Variants in CACNA2D1 observed in about 807,000 individuals in gnomAD.
CACNA2D1 encodes calcium voltage-gated channel auxiliary subunit alpha2delta 1.
A neutral mutation model predicts 171.5 loss-of-function variants in CACNA2D1; 53 were observed. The ratio of observed to expected loss-of-function variants is 0.31; its 90% CI spans 0.25 to 0.39. The LOEUF is 0.39. CACNA2D1 is among the 10% of genes least tolerant of loss of function. The pLI, the probability that CACNA2D1 is intolerant of heterozygous loss-of-function variation, is 1.00. For missense variants in CACNA2D1, 903 were observed against 1,299.8 expected (o/e 0.69, Z 4.69); for synonymous variants, 442 against 443.1 (o/e 1.00, Z 0.03).
intron 4 of CACNA2D1, among the ~76,000 whole-genome samples, chr7:82,138,866 A>G (rs1339471368): frequency 4.6e-5 from 7 of 152,194 alleles, no homozygotes; most frequent in African/African-American, 1.7e-4. Context: ...GTACCTCTGC[A>G]GTTTATACTT....
At chr7:82,141,658 G>A (rs1165783772) in intron 4 of CACNA2D1, among the ~76,000 whole-genome samples, 4 of 152,196 alleles carry the variant, frequency 2.6e-5, no homozygotes, top group Non-Finnish European at 5.9e-5. Flanking sequence ...CTCGTCTGTG[G>A]CAAGGATCTG....
intron 3 of CACNA2D1, among the ~76,000 whole-genome samples, chr7:82,234,295 T>C (rs959952248): frequency 6.6e-6 from 1 of 152,128 alleles, no homozygotes; most frequent in Admixed American, 6.5e-5. Flanking sequence ...CACATCTTCC[T>C]ATATTAATAG....
intron 4 of CACNA2D1, among the ~76,000 whole-genome samples, chr7:82,146,546 G>A (rs1046488271): frequency 6.9e-6 from 1 of 144,782 alleles, no homozygotes; most frequent in Non-Finnish European, 1.5e-5. Flanking sequence ...ATCTTTTACA[G>A]GTAAGAAGAT....
Position 81,968,957 on chromosome 7 carries a change from G to T in CACNA2D1, c.2325C>A (p.Ala775=). 1 of 1,585,194 alleles carries T rather than the reference G, an allele frequency of 6.3e-7. No homozygotes were observed. The highest frequency in any genetic ancestry group is 8.6e-7 in the Non-Finnish European group (1 of 1,156,674). The change falls in exon 29 of 39, where the codon GCC becomes GCA. Residue 775 remains alanine (A), a synonymous_variant. Transcript: ENST00000356860. Reference sequence around the variant, plus strand: ...TGCTTACCATAATGCCCGATTCATAGGCACCAGGTCCACTTTCTAAAAAAA... The same window carrying T: ...TGCTTACCATAATGCCCGATTCATATGCACCAGGTCCACTTTCTAAAAAAA... The part of the protein sequence containing the change: ...APYFNKSGPG[A]YESGIMVSKA...
rs17156155 is a variant in CACNA2D1 at position 82,339,539 on chromosome 7, G to C, written c.178-4288C>G. 8.7e-3 allele frequency among the ~76,000 whole-genome samples: 1,327 copies of C among 152,214 alleles called. 28 individuals are homozygous for C. In the South Asian group the frequency reaches 0.095, roughly 11 times the overall value. ...CTTTGACTTCTAACCAATTGTATCA[G>C]GACTTATATTAGACCTGCAAGAAGT... On this transcript the variant is annotated intron_variant, in intron 2 of 38. Coordinates refer to ENST00000356860, the MANE Select transcript of CACNA2D1 (RefSeq NM_000722.4).
chr7:82,259,022 T>G (rs1005697192), intron 3 of CACNA2D1, among the ~76,000 whole-genome samples: 3 of 152,184 alleles, frequency 2.0e-5, no homozygotes, highest in African/African-American at 7.2e-5. Context: ...AAAGACAAAG[T>G]TTCGCCATGT....
chr7:82,443,689 C>G lies in CACNA2D1; in HGVS notation c.-230G>C. On this transcript the variant is annotated 5_prime_UTR_variant, in exon 1 of 39. Coordinates refer to ENST00000356860, the MANE Select transcript of CACNA2D1 (RefSeq NM_000722.4). ...ACCCACTAGCGTGCGTCGGCTGCTC[C>G]GCGCCGCGGCCGCCTTGCCTCCGCC... 1.6e-6 allele frequency: 2 copies of G among 1,236,936 alleles called. No individual in the cohort carries two copies. The highest frequency in any genetic ancestry group is 2.0e-6 in the Non-Finnish European group (2 of 992,708). 76.6% of individuals were successfully genotyped at this position (1,236,936 alleles called of 1,614,324 possible).
At chr7:82,135,618 A>C (rs1791517265) in intron 5 of CACNA2D1, among the ~76,000 whole-genome samples, 1 of 152,142 alleles carries the variant, frequency 6.6e-6, no homozygotes. Context: ...TGGTGGTGGT[A>C]TAATTTGTTA....
intron 14 of CACNA2D1, 21 bp downstream of exon 14, chr7:82,013,440 A>G (rs1800042563): frequency 9.7e-7 from 1 of 1,028,176 alleles, no homozygotes. Context: ...AATAATTTAA[A>G]CAAGTTTTAA....
intron 10 of CACNA2D1, among the ~76,000 whole-genome samples, chr7:82,059,063 C>G (rs1040472514): frequency 6.6e-6 from 1 of 152,084 alleles, no homozygotes; most frequent in Non-Finnish European, 1.5e-5. Context: ...CTTCTTCTTT[C>G]TAGTCTCCCT....
At chr7:82,379,504 T>G (rs6467895) in intron 1 of CACNA2D1, among the ~76,000 whole-genome samples, 105,538 of 152,034 alleles carry the variant, frequency 0.69, 36,707 homozygotes, top group Middle Eastern at 0.76. Flanking sequence ...AAATGATTAT[T>G]TTTATCTAAC....
chr7:81,954,070 G>A (rs774900127), intron 38 of CACNA2D1, among the ~76,000 whole-genome samples: 8 of 152,008 alleles, frequency 5.3e-5, no homozygotes, highest in Non-Finnish European at 8.8e-5. Flanking sequence ...GCAAGTCCAT[G>A]TAATGTATTT....
intron 12 of CACNA2D1, among the ~76,000 whole-genome samples, chr7:82,018,354 G>C (rs1800763176): frequency 6.6e-6 from 1 of 152,252 alleles, no homozygotes; most frequent in South Asian, 2.1e-4. Context: ...TCTTACCAGA[G>C]GGTAAGAAGA....
At chr7:82,371,569 T>G (rs184438890) in intron 1 of CACNA2D1, among the ~76,000 whole-genome samples, 176 of 152,112 alleles carry the variant, frequency 1.2e-3, no homozygotes, top group African/African-American at 4.0e-3. Context: ...AGCCCTAATT[T>G]TATTTTATTT....
Position 82,122,840 on chromosome 7 carries a change from A to AT in CACNA2D1, c.397-5668dup, listed in dbSNP as rs568800036. Among the ~76,000 whole-genome samples, 505 of 152,342 alleles carry AT rather than the reference A, an allele frequency of 3.3e-3. 6 individuals are homozygous for AT. The highest frequency in any genetic ancestry group is 0.028 in the South Asian group (137 of 4,830). On this transcript the variant is annotated intron_variant, in intron 5 of 38. Transcript: ENST00000356860. ...ATTCTACTTCTAAAAAATTAAAAGA[A>AT]TTTTTTATATTATGATACACAAATA... is the stretch of plus-strand genomic sequence containing the variant.
chr7:82,215,108 A>G lies in CACNA2D1; in HGVS notation c.295-44499T>C, dbSNP rs549463815. Among the ~76,000 whole-genome samples the G allele has an allele frequency of 6.6e-4, 100 of 152,290 alleles. 1 individual carries two copies. The highest frequency in any genetic ancestry group is 1.7e-3 in the South Asian group (8 of 4,826). On this transcript the variant is annotated intron_variant, in intron 3 of 38. Coordinates refer to ENST00000356860, the MANE Select transcript of CACNA2D1 (RefSeq NM_000722.4). ...GTCTTACATGAGTTTCTTCCTCAGG[A>G]AAGGAACTTCAGGCCTCTCCAAAAA... is the stretch of plus-strand genomic sequence containing the variant.
chr7:82,054,099 G>T (rs1805528857), intron 10 of CACNA2D1, among the ~76,000 whole-genome samples: 1 of 152,120 alleles, frequency 6.6e-6, no homozygotes, highest in Non-Finnish European at 1.5e-5. Context: ...TTTAAAACTG[G>T]CAGGCTTTAA....
intron 3 of CACNA2D1, among the ~76,000 whole-genome samples, chr7:82,184,218 C>T (rs1392120234): frequency 7.2e-6 from 1 of 139,390 alleles, no homozygotes; most frequent in Non-Finnish European, 1.5e-5. Context: ...GGATGTATCA[C>T]ATTCTGTGGC....
intron 3 of CACNA2D1, among the ~76,000 whole-genome samples, chr7:82,268,484 A>AAGTC (rs1309478129): frequency 1.3e-5 from 2 of 152,216 alleles, no homozygotes; most frequent in African/African-American, 4.8e-5. Context: ...GGGGGCAACC[A>AAGTC]AGTCACTCAC....
Sources: allele counts gnomAD v4.1 joint callset (sites outside exome capture counted in the v4.1 genomes callset), GRCh38; gene constraint gnomAD v4.1.1; transcripts MANE v1.5; gene names NCBI Gene and HGNC (gene_info 2026-07-23, HGNC 2026-07-21).